FBXW8: variants seen among roughly 807,000 people sequenced by gnomAD.
The protein encoded by FBXW8 is F-box/WD repeat-containing protein 8.
FBXW8 carries 57 observed loss-of-function variants against 65.3 expected under a neutral mutation model. The ratio of observed to expected loss-of-function variants is 0.87; its 90% confidence interval spans 0.71 to 1.09. The LOEUF is 1.09. FBXW8 is among the 50% of genes least tolerant of loss of function. FBXW8 has a pLI of 0.00. For missense variants in FBXW8, 777 were observed against 814.8 expected (o/e 0.95, Z 0.57); for synonymous variants, 308 against 330.2 (o/e 0.93, Z 0.73).
At chr12:116,918,289 T>C (rs1032041963) in intron 1 of FBXW8, among the ~76,000 whole-genome samples, 1 of 152,216 alleles carries the variant, frequency 6.6e-6, no homozygotes, top group Admixed American at 6.5e-5. Flanking sequence ...TGCTGCTTTC[T>C]TCAGTGGAGT....
intron 8 of FBXW8, among the ~76,000 whole-genome samples, chr12:117,020,839 A>C (rs1253868481): frequency 6.6e-6 from 1 of 152,236 alleles, no homozygotes; most frequent in Non-Finnish European, 1.5e-5. Flanking sequence ...TGAGCTCAGC[A>C]GTGCCCTTAA....
At chr12:117,009,612 T>C (rs1953756854) in intron 7 of FBXW8, among the ~76,000 whole-genome samples, 1 of 138,352 alleles carries the variant, frequency 7.2e-6, no homozygotes, top group Non-Finnish European at 1.7e-5. Flanking sequence ...TTAAGTTGAA[T>C]TGAATTAATA....
At chr12:116,917,799 T>C (rs1458763736) in intron 1 of FBXW8, among the ~76,000 whole-genome samples, 4 of 152,094 alleles carry the variant, frequency 2.6e-5, no homozygotes, top group African/African-American at 9.7e-5. Flanking sequence ...AAGACCATCC[T>C]GGCTAAGACG....
intron 1 of FBXW8, among the ~76,000 whole-genome samples, chr12:116,919,130 C>T (rs996377740): frequency 6.6e-6 from 1 of 152,168 alleles, no homozygotes; most frequent in Admixed American, 6.5e-5. Flanking sequence ...CTATGGAAAG[C>T]AAAACCGCGG....
At chr12:116,931,922 T>C (rs562992652) in intron 2 of FBXW8, among the ~76,000 whole-genome samples, 2 of 152,280 alleles carry the variant, frequency 1.3e-5, no homozygotes, top group South Asian at 4.1e-4. Flanking sequence ...CATCCTTGTC[T>C]TATTCCTGAA....
At chr12:116,916,464 G>A (rs1437624624) in intron 1 of FBXW8, among the ~76,000 whole-genome samples, 2 of 152,216 alleles carry the variant, frequency 1.3e-5, no homozygotes, top group African/African-American at 4.8e-5. Context: ...CATGGCTGGG[G>A]TCAGGGTAAT....
chr12:117,011,288 G>A (rs930255181), intron 8 of FBXW8, among the ~76,000 whole-genome samples: 6 of 152,050 alleles, frequency 3.9e-5, no homozygotes, highest in Non-Finnish European at 7.4e-5. Context: ...ATCGTGAGGC[G>A]GGTACTCCTC....
At position 117,024,206 on chromosome 12, in the gene FBXW8, T is replaced by G. The variant is rs756278002; in HGVS notation, c.1427T>G (p.Leu476Arg). 6.2e-7 allele frequency: 1 copy of G among 1,614,162 alleles called. No homozygotes were observed. Among genetic ancestry groups the G allele is most frequent in the Non-Finnish European group, 8.5e-7 (1 of 1,180,018 alleles). Residue 476 changes from leucine (L) to arginine (R), a missense_variant, in exon 9 of 11, where the codon CTC becomes CGC. Leu to Arg is a moderately radical substitution (Grantham distance 102). Coordinates refer to ENST00000652555, the MANE Select transcript of FBXW8 (RefSeq NM_153348.3). ...NIALSLSAHQLRVSAVQMDDW... is the reference protein window; with the variant it reads ...NIALSLSAHQRRVSAVQMDDW... ...GCCCTGTCGCTCTCCGCCCATCAGC[T>G]CAGGGTCTCTGCTGTGCAGATGGAT...
At chr12:117,027,620 T>C in intron 10 of FBXW8, 116 bp downstream of exon 10, 1 of 792,516 alleles carries the variant, frequency 1.3e-6, no homozygotes, top group Non-Finnish European at 2.1e-6. Context: ...GGCAGGGCCC[T>C]GCCTTTCTGC....
intron 7 of FBXW8, among the ~76,000 whole-genome samples, chr12:116,993,098 C>CTTTTTTTT (rs71099026): frequency 4.7e-4 from 40 of 85,400 alleles, no homozygotes; most frequent in South Asian, 9.0e-4. Flanking sequence ...TGATTTTTGA[C>CTTTTTTTT]TTTTTTTTTT....
Position 116,988,890 on chromosome 12 carries a change from A to G in FBXW8, c.1239+21A>G, listed in dbSNP as rs186127596. 592 of 1,592,546 alleles carry G rather than the reference A, an allele frequency of 3.7e-4. 1 individual carries two copies. In the African/African-American group the frequency reaches 6.1e-3, roughly 16 times the overall value. ...GCAAGGTACACAACTAGCAAGATATATAATTAACAAAAAAGAATATAGATT... is the reference window on the plus strand; with the variant it reads ...GCAAGGTACACAACTAGCAAGATATGTAATTAACAAAAAAGAATATAGATT... On this transcript the variant is annotated intron_variant, in intron 7 of 10. Coordinates refer to ENST00000652555, the MANE Select transcript of FBXW8 (RefSeq NM_153348.3).
chr12:116,994,083 C>G (rs1301950042), intron 7 of FBXW8, among the ~76,000 whole-genome samples: 2 of 152,196 alleles, frequency 1.3e-5, no homozygotes, highest in African/African-American at 4.8e-5. Context: ...AGGAACAACT[C>G]TAGAGGCATC....
chr12:116,968,641 G>A (rs1455112903), intron 5 of FBXW8, among the ~76,000 whole-genome samples: 2 of 152,210 alleles, frequency 1.3e-5, no homozygotes, highest in African/African-American at 4.8e-5. Flanking sequence ...CAGGGTAAAT[G>A]CAAGTGGGGT....
intron 3 of FBXW8, 73 bp from the exon 4 acceptor site, chr12:116,949,545 G>A: frequency 7.2e-7 from 1 of 1,395,130 alleles, no homozygotes; most frequent in Non-Finnish European, 1.0e-6. Flanking sequence ...GAAAGTAGGT[G>A]AAAAAGCACG....
chr12:116,988,612 G>T (rs1953156028), intron 6 of FBXW8, 51 bp from the exon 7 acceptor site: 2 of 1,546,172 alleles, frequency 1.3e-6, no homozygotes, highest in Non-Finnish European at 1.8e-6. Context: ...GCATATTTTT[G>T]ATCAAGTCAG....
chr12:116,988,640 A>G, intron 6 of FBXW8, 23 bp from the exon 7 acceptor site: 17 of 1,610,604 alleles, frequency 1.1e-5, no homozygotes, highest in Non-Finnish European at 1.4e-5. Context: ...TTATGGGACT[A>G]AACAACTCTT....
intron 5 of FBXW8, among the ~76,000 whole-genome samples, chr12:116,965,312 T>C (rs772552087): frequency 6.6e-6 from 1 of 152,268 alleles, no homozygotes; most frequent in African/African-American, 2.4e-5. Context: ...TCACTTAATA[T>C]ACCATACCAG....
At chr12:116,926,345 A>G (rs1881325880) in intron 1 of FBXW8, among the ~76,000 whole-genome samples, 2 of 152,174 alleles carry the variant, frequency 1.3e-5, no homozygotes, top group Non-Finnish European at 2.9e-5. Flanking sequence ...CCAAGTAGGT[A>G]AAGTAGGCCT....
At chr12:116,939,560 C>T (rs1376164822) in intron 2 of FBXW8, among the ~76,000 whole-genome samples, 1 of 152,178 alleles carries the variant, frequency 6.6e-6, no homozygotes, top group Non-Finnish European at 1.5e-5. Context: ...AGAATGGCTA[C>T]ATTTATATGA....
Sources: gnomAD v4.1 joint callset for allele counts (sites outside exome capture counted in the v4.1 genomes callset) on GRCh38, gnomAD v4.1.1 for gene constraint, MANE v1.5 for transcripts, NCBI Gene and HGNC (gene_info 2026-07-23, HGNC 2026-07-21) for gene names.